The following TOP6BL variants were observed in gnomAD, a reference collection of about 807,000 sequenced individuals.
TOP6BL encodes the protein type 2 DNA topoisomerase 6 subunit B-like.
the TOP6BL span, among the ~76,000 whole-genome samples, chr11:66,754,245 T>C: frequency 2.6e-5 from 4 of 152,050 alleles, no homozygotes. Flanking sequence ...TCTGGGAGAT[T>C]TTCCCTTGCA....
the TOP6BL span, among the ~76,000 whole-genome samples, chr11:66,784,398 G>A: frequency 6.6e-6 from 1 of 152,108 alleles, no homozygotes; most frequent in Admixed American, 6.6e-5. Flanking sequence ...CTGGGCTCAA[G>A]TGGTCCTCCC....
chr11:66,817,261 A>G, the TOP6BL span, among the ~76,000 whole-genome samples: 1 of 152,218 alleles, frequency 6.6e-6, no homozygotes, highest in African/African-American at 2.4e-5. Context: ...GGTGGATTTA[A>G]AAAATGCACA....
At chr11:66,786,731 G>C in the TOP6BL span, among the ~76,000 whole-genome samples, 1 of 152,104 alleles carries the variant, frequency 6.6e-6, no homozygotes, top group East Asian at 1.9e-4. Context: ...GAAAAGGGGG[G>C]TTGCCTTAGG....
At chr11:66,828,049 G>A in the TOP6BL span, among the ~76,000 whole-genome samples, 1 of 151,198 alleles carries the variant, frequency 6.6e-6, no homozygotes, top group Non-Finnish European at 1.5e-5. Context: ...TGACAGAAGT[G>A]GGAAGACATA....
chr11:66,798,388 T>C, the TOP6BL span, among the ~76,000 whole-genome samples: 23 of 151,762 alleles, frequency 1.5e-4, no homozygotes, highest in East Asian at 1.4e-3. Flanking sequence ...TTGCTTGAGC[T>C]CAGGAGTTCC....
the TOP6BL span, among the ~76,000 whole-genome samples, chr11:66,808,775 T>TAAAACAAAGAGAC: frequency 1.3e-5 from 2 of 151,848 alleles, no homozygotes; most frequent in Non-Finnish European, 2.9e-5. Flanking sequence ...TTAGCAAAAA[T>TAAAACAAAGAGAC]AAAACAAAGA....
the TOP6BL span, among the ~76,000 whole-genome samples, chr11:66,763,646 C>G: frequency 1.3e-5 from 2 of 152,026 alleles, no homozygotes; most frequent in Non-Finnish European, 2.9e-5. Flanking sequence ...GCTCTGTCAC[C>G]CAGACTGGGG....
the TOP6BL span, among the ~76,000 whole-genome samples, chr11:66,802,687 C>T: frequency 6.6e-6 from 1 of 152,192 alleles, no homozygotes; most frequent in African/African-American, 2.4e-5. Flanking sequence ...CTTAAAGAGA[C>T]TGCCTGTGGT....
the TOP6BL span, among the ~76,000 whole-genome samples, chr11:66,833,021 G>T: frequency 7.2e-6 from 1 of 138,304 alleles, no homozygotes; most frequent in South Asian, 2.4e-4. Flanking sequence ...CTTTCTCCCT[G>T]TCTCTCAAAT....
chr11:66,778,093 CTT>C, the TOP6BL span, among the ~76,000 whole-genome samples: 32 of 137,158 alleles, frequency 2.3e-4, no homozygotes, highest in East Asian at 4.2e-4. Context: ...TCTTTTCTTT[CTT>C]TTTTTTTTTT....
chr11:66,834,214 A>G, the TOP6BL span, among the ~76,000 whole-genome samples: 1 of 152,232 alleles, frequency 6.6e-6, no homozygotes, highest in Non-Finnish European at 1.5e-5. Context: ...CAGAACTTTC[A>G]TAATTTGCCC....
chr11:66,772,389 T>C, the TOP6BL span, among the ~76,000 whole-genome samples: 2 of 152,206 alleles, frequency 1.3e-5, no homozygotes, highest in Non-Finnish European at 2.9e-5. Flanking sequence ...AAGGAGTGAT[T>C]GAAACCAGGA....
the TOP6BL span, chr11:66,821,786 CTT>C: frequency 9.9e-6 from 16 of 1,611,062 alleles, no homozygotes; most frequent in African/African-American, 2.1e-4. Flanking sequence ...TTCACAGCCT[CTT>C]TTCTCCTATT....
the TOP6BL span, among the ~76,000 whole-genome samples, chr11:66,816,464 C>T: frequency 4.4e-4 from 67 of 152,302 alleles, 1 homozygote; most frequent in South Asian, 8.5e-3. Flanking sequence ...CGGTTTTCAA[C>T]GTTAGCCGCA....
chr11:66,833,089 C>T, the TOP6BL span, among the ~76,000 whole-genome samples: 3 of 147,996 alleles, frequency 2.0e-5, no homozygotes, highest in African/African-American at 7.6e-5. Context: ...GCTCTGTCGC[C>T]CAGACTGGAG....
At chr11:66,778,872 A>G in the TOP6BL span, among the ~76,000 whole-genome samples, 1 of 152,202 alleles carries the variant, frequency 6.6e-6, no homozygotes, top group East Asian at 1.9e-4. Flanking sequence ...ATCTACAACT[A>G]TCTGATCTTT....
At chr11:66,800,939 G>A in the TOP6BL span, 2 of 1,327,168 alleles carry the variant, frequency 1.5e-6, no homozygotes, top group Admixed American at 3.8e-5. Context: ...AGTAATCGCT[G>A]GGGTGGTAGT....
chr11:66,843,198 C>A, the TOP6BL span: 1 of 1,611,076 alleles, frequency 6.2e-7, no homozygotes, highest in Non-Finnish European at 8.5e-7. Flanking sequence ...AGGTCTCCAA[C>A]CTGTCAGAGT....
the TOP6BL span, among the ~76,000 whole-genome samples, chr11:66,765,555 A>C: frequency 6.6e-6 from 1 of 152,110 alleles, no homozygotes; most frequent in African/African-American, 2.4e-5. Context: ...CACTCTTGTC[A>C]CCCAGGCTGG....
Sources: allele counts gnomAD v4.1 joint callset (sites outside exome capture counted in the v4.1 genomes callset), GRCh38; gene constraint gnomAD v4.1.1; transcripts MANE v1.5; gene names NCBI Gene and HGNC (gene_info 2026-07-23, HGNC 2026-07-21).